Variants in INTS4 observed in about 807,000 individuals in gnomAD.
INTS4 encodes the protein integrator complex subunit 4, also known as MSTP093.
Under a neutral mutation model 119.5 loss-of-function variants are expected in INTS4, and 70 were observed. That is an observed-to-expected ratio of 0.59 (90% CI 0.48 to 0.71). The LOEUF (loss-of-function observed/expected upper bound fraction) is 0.71, where lower values mean the gene tolerates loss of function less well. Ranked by LOEUF, INTS4 falls within the 30% of genes least tolerant of loss-of-function variation. The probability of loss-of-function intolerance (pLI) is 0.00; values close to 1 mark genes in which losing one functional copy is unlikely to be tolerated. For synonymous variants in INTS4, 316 were observed against 419.6 expected, an observed-to-expected ratio of 0.75 and a Z score of 3.02; for missense variants, 867 against 1,173.2, an observed-to-expected ratio of 0.74 and a Z score of 3.81.
At chr11:77,933,959 A>T (rs1261647228) in intron 10 of INTS4, among the ~76,000 whole-genome samples, 1 of 152,038 alleles carries the variant, frequency 6.6e-6, no homozygotes, top group African/African-American at 2.4e-5. Flanking sequence ...AGAAGGGGGA[A>T]ATGTGGGGAG....
Position 77,960,955 on chromosome 11 carries a change from T to C in INTS4, c.655A>G (p.Met219Val). Residue 219 changes from methionine to valine, a missense_variant and splice_region_variant, in exon 5 of 23, where the codon ATG becomes GTG. Transcript: ENST00000534064. The stretch of plus-strand genomic sequence containing the variant: ...CTAGTTTCCATAATCACATTTACCA[T>C]GGCTTTTATAGCTGCTGTTCTGACA... ...PRVRTAAIKAMLQLHERGLKL... is the reference protein window; with the variant it reads ...PRVRTAAIKAVLQLHERGLKL... The C allele has an allele frequency of 4.4e-6, 7 of 1,596,236 alleles. No individual in the cohort carries two copies. Among genetic ancestry groups the C allele is most frequent in the Admixed American group, 1.8e-5 (1 of 56,328 alleles).
At chr11:77,900,772 A>C in intron 18 of INTS4, 1 of 598,762 alleles carries the variant, frequency 1.7e-6, no homozygotes, top group Non-Finnish European at 3.0e-6. Context: ...TCTTGGAATC[A>C]ATGAAATGTG....
intron 15 of INTS4, among the ~76,000 whole-genome samples, chr11:77,911,339 T>C (rs1418586033): frequency 1.3e-5 from 2 of 152,184 alleles, no homozygotes; most frequent in Non-Finnish European, 2.9e-5. Flanking sequence ...GTGAGTTTGG[T>C]GGCCAGATGG....
chr11:77,949,809 C>A (rs538055256), intron 8 of INTS4, among the ~76,000 whole-genome samples: 1 of 152,130 alleles, frequency 6.6e-6, no homozygotes, highest in African/African-American at 2.4e-5. Flanking sequence ...GACAGCATGG[C>A]GATTCCTCAA....
chr11:77,947,332 A>T (rs1293406705), intron 8 of INTS4, among the ~76,000 whole-genome samples: 1 of 152,182 alleles, frequency 6.6e-6, no homozygotes, highest in Non-Finnish European at 1.5e-5. Context: ...CATTCAACCC[A>T]AAAAGATCCT....
chr11:77,979,992 A>G (rs889913299), intron 3 of INTS4, among the ~76,000 whole-genome samples: 15 of 118,300 alleles, frequency 1.3e-4, no homozygotes, highest in Admixed American at 2.5e-4. Context: ...AAAAAAAAAA[A>G]AAGAAGAAAC....
At chr11:77,893,689 T>TA (rs1389289493) in intron 19 of INTS4, among the ~76,000 whole-genome samples, 4 of 151,990 alleles carry the variant, frequency 2.6e-5, no homozygotes, top group Non-Finnish European at 5.9e-5. Flanking sequence ...GGTCAGGAGT[T>TA]AGAGACCAGC....
At position 77,928,299 on chromosome 11, in the gene INTS4, G is replaced by C. The variant is rs201194774; in HGVS notation, c.1371+43C>G. 6,601 of 1,598,804 alleles carry C rather than the reference G, an allele frequency of 4.1e-3. 27 individuals carry two copies. The highest frequency in any genetic ancestry group is 4.8e-3 in the Non-Finnish European group (5,607 of 1,167,294). On this transcript the variant is annotated intron_variant, in intron 11 of 22. Coordinates refer to ENST00000534064, the MANE Select transcript of INTS4 (RefSeq NM_033547.4). ...CACAATACCTGATTTTAACAGGGGG[G>C]GGTGAGGGATGAAGAAATGAGTAAC...
chr11:77,980,601 A>T (rs1856166344), intron 3 of INTS4, among the ~76,000 whole-genome samples: 1 of 152,132 alleles, frequency 6.6e-6, no homozygotes, highest in Non-Finnish European at 1.5e-5. Flanking sequence ...CTGGTCTCAA[A>T]TTCCTGGGCT....
intron 5 of INTS4, 53 bp from the exon 6 acceptor site, chr11:77,960,444 C>T: frequency 2.4e-6 from 3 of 1,272,868 alleles, no homozygotes; most frequent in Non-Finnish European, 3.4e-6. Flanking sequence ...GCAATATTTC[C>T]AATGTCTCCC....
rs534523399 is a variant in INTS4 at position 77,974,487 on chromosome 11, C to T, written c.471+4509G>A. On this transcript the variant is annotated intron_variant, in intron 4 of 22. Coordinates refer to ENST00000534064, the MANE Select transcript of INTS4 (RefSeq NM_033547.4). ...TGAACTCCTGACCTCGTGATCTGCC[C>T]ACCTCAGCCTCCCAAAGTGCTGGGA... Among the ~76,000 whole-genome samples the T allele has an allele frequency of 9.0e-4, 137 of 152,046 alleles. No individual in the cohort carries two copies. The Middle Eastern group carries it at 0.01, about 11-fold the overall frequency.
At chr11:77,979,977 CA>C (rs1254017443) in intron 3 of INTS4, among the ~76,000 whole-genome samples, 168 of 41,674 alleles carry the variant, frequency 4.0e-3, no homozygotes, top group East Asian at 0.014. Flanking sequence ...GACTCCATCT[CA>C]AAAAAAAAAA....
At chr11:77,991,353 T>G in intron 1 of INTS4, 54 bp from the exon 2 acceptor site, 1 of 1,380,888 alleles carries the variant, frequency 7.2e-7, no homozygotes, top group Non-Finnish European at 1.0e-6. Flanking sequence ...TAACTTTGCC[T>G]CATTTGGTGG....
intron 2 of INTS4, chr11:77,987,809 A>C: frequency 8.6e-6 from 3 of 348,764 alleles, no homozygotes; most frequent in South Asian, 6.2e-5. Flanking sequence ...GGGAGTCCAG[A>C]CTTCAGTGGG....
At chr11:77,877,616 A>C (rs1489013284), downstream of INTS4, among the ~76,000 whole-genome samples, 1 of 152,236 alleles carries the variant, frequency 6.6e-6, no homozygotes, top group African/African-American at 2.4e-5. Flanking sequence ...GAATGAATAC[A>C]GGCTTTATTA....
chr11:77,957,855 G>A (rs1004676367), intron 7 of INTS4, among the ~76,000 whole-genome samples: 10 of 151,660 alleles, frequency 6.6e-5, no homozygotes, highest in Admixed American at 5.9e-4. Context: ...TTTTAGTAGA[G>A]ACGAGGTTTC....
intron 21 of INTS4, among the ~76,000 whole-genome samples, chr11:77,889,385 G>C (rs560808365): frequency 1.3e-5 from 2 of 149,728 alleles, no homozygotes; most frequent in Middle Eastern, 3.4e-3. Context: ...ATCACACCCC[G>C]GGGACTGTTG....
At chr11:77,969,637 G>C (rs1855635143) in intron 4 of INTS4, among the ~76,000 whole-genome samples, 1 of 152,002 alleles carries the variant, frequency 6.6e-6, no homozygotes, top group Non-Finnish European at 1.5e-5. Context: ...GCCTCCCAAA[G>C]CGTTAGGACT....
intron 4 of INTS4, among the ~76,000 whole-genome samples, chr11:77,973,357 G>A (rs1177335457): frequency 1.3e-5 from 2 of 152,162 alleles, no homozygotes; most frequent in Admixed American, 6.5e-5. Flanking sequence ...TGAATACGGG[G>A]AGAGAATTTT....
Sources: allele counts gnomAD v4.1 joint callset (sites outside exome capture counted in the v4.1 genomes callset), GRCh38; gene constraint gnomAD v4.1.1; transcripts MANE v1.5; gene names NCBI Gene and HGNC (gene_info 2026-07-23, HGNC 2026-07-21).